The following PNPLA7 variants were observed in gnomAD, a reference collection of about 807,000 sequenced individuals.
PNPLA7 encodes patatin like domain 7, lysophospholipase.
PNPLA7 carries 153 observed loss-of-function variants against 161.7 expected under a neutral mutation model. The ratio of observed to expected loss-of-function variants is 0.95; its 90% CI spans 0.83 to 1.08. The LOEUF is 1.08. PNPLA7 is among the 50% of genes least tolerant of loss of function. The pLI is 0.00. For missense variants in PNPLA7, 1,739 were observed against 1,856.6 expected (o/e 0.94, Z 1.16); for synonymous variants, 809 against 782.1 (o/e 1.03, Z -0.57).
chr9:137,532,787 T>C (rs1224217439), intron 8 of PNPLA7, among the ~76,000 whole-genome samples: 1 of 152,128 alleles, frequency 6.6e-6, no homozygotes, highest in Non-Finnish European at 1.5e-5. Flanking sequence ...GAAATGGCTT[T>C]TCCCCGTGGC....
intron 26 of PNPLA7, among the ~76,000 whole-genome samples, chr9:137,465,428 A>C (rs1264394010): frequency 6.6e-6 from 1 of 152,078 alleles, no homozygotes; most frequent in East Asian, 1.9e-4. Flanking sequence ...CCAGCCCCAG[A>C]CCCACAGACG....
chr9:137,506,594 T>C (rs968781436), intron 12 of PNPLA7, among the ~76,000 whole-genome samples: 1 of 152,112 alleles, frequency 6.6e-6, no homozygotes, highest in Non-Finnish European at 1.5e-5. Context: ...AGAGGTTCGC[T>C]CTTCGCAGTC....
intron 22 of PNPLA7, 123 bp from the exon 23 acceptor site, chr9:137,480,603 G>A: frequency 1.8e-6 from 2 of 1,114,658 alleles, no homozygotes; most frequent in South Asian, 1.6e-5. Context: ...TCCCTGCCCA[G>A]CACTTCCTGC....
intron 25 of PNPLA7, among the ~76,000 whole-genome samples, chr9:137,470,664 G>C (rs1295374994): frequency 6.6e-6 from 1 of 152,094 alleles, no homozygotes; most frequent in African/African-American, 2.4e-5. Flanking sequence ...ACCAAACCCG[G>C]TAAAGACATT....
At position 137,520,326 on chromosome 9, in the gene PNPLA7, T is replaced by C. The variant is rs1476329230; in HGVS notation, c.958-283A>G. On this transcript the variant is annotated intron_variant, in intron 10 of 34. Transcript: ENST00000406427. The surrounding 1 kb of genome is among the most constrained non-coding windows in gnomAD (Gnocchi z 5.2). Reference sequence around the variant, plus strand: ...AAATCCAGTTATTCAAGAAAAGGACTGGTCTGTTTAAGGCAACCAAGCTCA... The same window carrying C: ...AAATCCAGTTATTCAAGAAAAGGACCGGTCTGTTTAAGGCAACCAAGCTCA... 2.6e-5 allele frequency among the ~76,000 whole-genome samples: 4 copies of C among 152,290 alleles called. No homozygotes were observed. The highest frequency in any genetic ancestry group is 2.6e-4 in the Admixed American group (4 of 15,296).
Position 137,462,023 on chromosome 9 carries a change from C to A in PNPLA7, c.3664G>T (p.Gly1222Trp). The A allele has an allele frequency of 6.3e-7, 1 of 1,598,846 alleles. No homozygotes were observed. ...NEICEVGYQH[G>W]RTVFDIWGRS... ...CCCCAGATGTCAAACACCGTGCGCC[C>A]GTGCTGGTAGCCCACTTCCTGTGCA... The change falls in exon 32 of 35, where the codon GGG becomes TGG. Residue 1222 changes from glycine (G) to tryptophan (W), a missense_variant. Gly to Trp is a radical substitution (Grantham distance 184, BLOSUM62 -2). This residue lies in a region of PNPLA7 where 703 missense variants were observed against 694.6 expected (regional missense o/e 1.01). Transcript: ENST00000406427.
At chr9:137,496,800 C>T (rs149173709) in intron 18 of PNPLA7, among the ~76,000 whole-genome samples, 45 of 152,354 alleles carry the variant, frequency 3.0e-4, no homozygotes, top group African/African-American at 1.1e-3. Context: ...GCCCCCCACT[C>T]GCTCAGGATG....
At chr9:137,525,669 GA>G (rs1835264252) in intron 8 of PNPLA7, among the ~76,000 whole-genome samples, 1 of 150,598 alleles carries the variant, frequency 6.6e-6, no homozygotes, top group Non-Finnish European at 1.5e-5. Flanking sequence ...GGCGTAACAC[GA>G]AAGTGGACCA....
chr9:137,547,659 C>G lies in PNPLA7; in HGVS notation c.31G>C (p.Ala11Pro). ...AGGGCGGTGCCCAGGCAGAAGTCAG[C>G]CTGCAGCAGAGAGCATGGGGTCAGG... Reference protein sequence around the residue: MEEEKDDSPQADFCLGTALHS... With the variant: MEEEKDDSPQPDFCLGTALHS... The change falls in exon 2 of 35, where the codon GCT becomes CCT. Residue 11 changes from alanine (A) to proline (P), a missense_variant and splice_region_variant. By Grantham distance (27) the Ala-to-Pro change is conservative (BLOSUM62 -1). Transcript: ENST00000406427. The surrounding 1 kb of genome is among the most constrained non-coding windows in gnomAD (Gnocchi z 4.6). The G allele has an allele frequency of 6.2e-7, 1 of 1,612,932 alleles. No homozygotes were observed.
At position 137,520,954 on chromosome 9, in the gene PNPLA7, G is replaced by A. The variant is rs1191222269; in HGVS notation, c.957+682C>T. Reference sequence around the variant, plus strand: ...GGGGCAGCCTCTGCTGGACGCGGACGTAGGGACCCCACGGGACGGGCATGG... The same window carrying A: ...GGGGCAGCCTCTGCTGGACGCGGACATAGGGACCCCACGGGACGGGCATGG... On this transcript the variant is annotated intron_variant, in intron 10 of 34. Transcript: ENST00000406427. This position sits in a 1 kb window ranked among gnomAD's most constrained non-coding sequence, Gnocchi z 5.2. Among the ~76,000 whole-genome samples the A allele has an allele frequency of 1.3e-5, 2 of 151,382 alleles. No homozygotes were observed. The highest frequency in any genetic ancestry group is 6.6e-5 in the Admixed American group (1 of 15,204).
intron 4 of PNPLA7, among the ~76,000 whole-genome samples, chr9:137,545,179 G>A (rs1041913140): frequency 2.0e-5 from 3 of 152,114 alleles, no homozygotes; most frequent in Admixed American, 6.5e-5. Context: ...TCCCCAGATC[G>A]GGGCTTGTGA....
In PNPLA7 at chr9:137,476,841, T is replaced by C. The variant is rs1337893953; in HGVS notation, c.2882+1193A>G. On this transcript the variant is annotated intron_variant, in intron 25 of 34. Coordinates refer to ENST00000406427, the MANE Select transcript of PNPLA7 (RefSeq NM_001098537.3). The surrounding 1 kb of genome is among the most constrained non-coding windows in gnomAD (Gnocchi z 4.5). ...AGCCATTGAACTGCTGTAGGCCAACTTCCGCAGCTTTCAAGAGAAAATGTG... is the reference window on the plus strand; with the variant it reads ...AGCCATTGAACTGCTGTAGGCCAACCTCCGCAGCTTTCAAGAGAAAATGTG... Among the ~76,000 whole-genome samples, 1 of 152,178 alleles carries C rather than the reference T, an allele frequency of 6.6e-6. No individual in the cohort carries two copies. The highest frequency in any genetic ancestry group is 2.4e-5 in the African/African-American group (1 of 41,438).
rs778057672 is a variant in PNPLA7 at position 137,501,735 on chromosome 9, CAG to C, written c.1474-10_1474-9del. 8.7e-6 allele frequency: 14 copies of C among 1,612,058 alleles called. No individual in the cohort carries two copies. The highest frequency in any genetic ancestry group is 1.3e-5 in the African/African-American group (1 of 74,898). ...ATCCAACAGAGATGAGTCCTAAAAA[CAG>C]AGCAGACTTCAGGGAACACGGGCGG... On this transcript the variant is annotated splice_polypyrimidine_tract_variant and intron_variant, in intron 14 of 34. Transcript: ENST00000406427.
At chr9:137,503,727 AGGG>A (rs1220903157) in intron 14 of PNPLA7, among the ~76,000 whole-genome samples, 2 of 145,014 alleles carry the variant, frequency 1.4e-5, no homozygotes, top group African/African-American at 5.3e-5. Context: ...AAGGGAAGAA[AGGG>A]GAAGGGGAAG....
intron 14 of PNPLA7, among the ~76,000 whole-genome samples, chr9:137,502,967 G>C (rs1196998905): frequency 1.3e-5 from 2 of 151,926 alleles, no homozygotes; most frequent in African/African-American, 2.4e-5. Flanking sequence ...GGGGTGCAGA[G>C]AAAACAAGGT....
At chr9:137,474,875 A>AGCTGGGCGTGGTGGGGGCGCCT (rs1831868472) in intron 25 of PNPLA7, among the ~76,000 whole-genome samples, 1 of 150,176 alleles carries the variant, frequency 6.7e-6, no homozygotes, top group South Asian at 2.1e-4. Context: ...AAAAAAAATT[A>AGCTGGGCGTGGTGGGGGCGCCT]GCTGGGCGTG....
Position 137,546,953 on chromosome 9 carries a change from AGGCCT to A in PNPLA7, c.194-49_194-45del, listed in dbSNP as rs759608509. ...ATGGCCTGAGGTAGAGCCGTGGCAC[AGGCCT>A]GGTCCTGGACATGCAGGTGCAGCAC... On this transcript the variant is annotated intron_variant, in intron 3 of 34. Transcript: ENST00000406427. The A allele has an allele frequency of 3.2e-6, 5 of 1,586,018 alleles. No homozygotes were observed. The South Asian group carries it at 5.5e-5, about 18-fold the overall frequency.
rs563955299 is a variant in PNPLA7 at position 137,481,938 on chromosome 9, A to G, written c.2348-915T>C. Among the ~76,000 whole-genome samples, 8 of 152,272 alleles carry G rather than the reference A, an allele frequency of 5.3e-5. No homozygotes were observed. The South Asian group carries it at 1.5e-3, about 28-fold the overall frequency. On this transcript the variant is annotated intron_variant, in intron 21 of 34. Coordinates refer to ENST00000406427, the MANE Select transcript of PNPLA7 (RefSeq NM_001098537.3). Reference sequence around the variant, plus strand: ...ACAACAGAGCAAGACTCCATCTCAGAAAAAACAACAACTAGAGATCAGATC... The same window carrying G: ...ACAACAGAGCAAGACTCCATCTCAGGAAAAACAACAACTAGAGATCAGATC...
intron 21 of PNPLA7, among the ~76,000 whole-genome samples, chr9:137,483,679 A>G (rs1027029703): frequency 1.3e-5 from 2 of 150,822 alleles, no homozygotes; most frequent in African/African-American, 4.9e-5. Context: ...CTTGTCTAGA[A>G]CTCCTGACCT....
Sources: gnomAD v4.1 joint callset for allele counts (sites outside exome capture counted in the v4.1 genomes callset) on GRCh38, gnomAD v4.1.1 for gene constraint, gnomAD v4.1.1 regional missense constraint, Gnocchi (gnomAD v3.1) non-coding constraint, MANE v1.5 for transcripts, NCBI Gene and HGNC (gene_info 2026-07-23, HGNC 2026-07-21) for gene names.